Variants in DNAH11 observed in about 807,000 individuals in gnomAD.
The protein encoded by DNAH11 is dynein axonemal heavy chain 11.
DNAH11 carries 442 observed loss-of-function variants against 526.0 expected under a neutral mutation model. The ratio of observed to expected loss-of-function variants is 0.84; its 90% CI spans 0.78 to 0.91. DNAH11 has a LOEUF of 0.91. DNAH11 is among the 40% of genes least tolerant of loss of function. DNAH11 has a pLI of 0.00. For missense variants in DNAH11, 6,989 were observed against 5,448.7 expected (o/e 1.28, Z -8.90); for synonymous variants, 2,461 against 1,935.9 (o/e 1.27, Z -7.12).
Position 21,658,944 on chromosome 7 carries a change from A to G in DNAH11, c.5241A>G (p.Gln1747=), listed in dbSNP as rs372802443. Residue 1747 remains glutamine, a synonymous_variant, in exon 30 of 82, where the codon CAA becomes CAG. Coordinates refer to ENST00000409508, the MANE Select transcript of DNAH11 (RefSeq NM_001277115.2). ...FPAQVALTSS[Q]IWWTTDVGIA... ...CTCAGGTTGCACTAACCAGCTCACA[A>G]ATATGGTGGACCACAGATGTAGGAA... 4.8e-5 allele frequency: 77 copies of G among 1,610,990 alleles called. No individual in the cohort carries two copies. Among genetic ancestry groups the G allele is most frequent in the Non-Finnish European group, 6.0e-5 (71 of 1,178,756 alleles).
Position 21,548,819 on chromosome 7 carries a change from C to T in DNAH11, c.495+3670C>T, listed in dbSNP as rs182189556. Reference sequence around the variant, plus strand: ...AGGCAAGAGGAGTAGTTCATATTCCCTATGGAGAATGAGGGAATTGCTCTG... The same window carrying T: ...AGGCAAGAGGAGTAGTTCATATTCCTTATGGAGAATGAGGGAATTGCTCTG... On this transcript the variant is annotated intron_variant, in intron 2 of 81. Coordinates refer to ENST00000409508, the MANE Select transcript of DNAH11 (RefSeq NM_001277115.2). 2.9e-3 allele frequency among the ~76,000 whole-genome samples: 443 copies of T among 152,198 alleles called. 4 individuals carry two copies. Among genetic ancestry groups the T allele is most frequent in the African/African-American group, 0.01 (424 of 41,526 alleles).
At chr7:21,846,607 T>A (rs1782430943) in intron 66 of DNAH11, among the ~76,000 whole-genome samples, 3 of 152,284 alleles carry the variant, frequency 2.0e-5, no homozygotes, top group South Asian at 4.1e-4. Flanking sequence ...GGATTTGATT[T>A]GCTAATTTTT....
chr7:21,709,515 C>G (rs1397115888), intron 40 of DNAH11, among the ~76,000 whole-genome samples: 3 of 152,142 alleles, frequency 2.0e-5, no homozygotes, highest in Non-Finnish European at 4.4e-5. Flanking sequence ...GTATCCCAAA[C>G]CTCAATGTCA....
At chr7:21,688,743 G>A (rs1295624256) in intron 34 of DNAH11, among the ~76,000 whole-genome samples, 2 of 152,146 alleles carry the variant, frequency 1.3e-5, no homozygotes, top group Non-Finnish European at 2.9e-5. Flanking sequence ...TTCAAATTAT[G>A]TTCGAAATCT....
At chr7:21,606,825 G>T (rs1204845366) in intron 20 of DNAH11, 92 bp downstream of exon 20, 1 of 1,123,714 alleles carries the variant, frequency 8.9e-7, no homozygotes, top group Non-Finnish European at 1.3e-6. Flanking sequence ...TTTTGTCTTT[G>T]TTTTGCTGTT....
At position 21,543,176 on chromosome 7, in the gene DNAH11, C is replaced by T; in HGVS notation, c.-70C>T. On this transcript the variant is annotated 5_prime_UTR_variant, in exon 1 of 82. Transcript: ENST00000409508. ...GTGGGCGCCTGCGGAGGTGTCCTCGCTCACTTCGGGGGGCCCAGAGTCTCG... is the reference window on the plus strand; with the variant it reads ...GTGGGCGCCTGCGGAGGTGTCCTCGTTCACTTCGGGGGGCCCAGAGTCTCG... The T allele has an allele frequency of 6.9e-7, 1 of 1,447,062 alleles. No individual in the cohort carries two copies. The highest frequency in any genetic ancestry group is 2.5e-5 in the East Asian group (1 of 39,990). 89.6% of individuals were successfully genotyped at this position (1,447,062 alleles called of 1,614,324 possible).
intron 66 of DNAH11, among the ~76,000 whole-genome samples, chr7:21,849,998 C>G (rs1277005628): frequency 6.8e-6 from 1 of 146,714 alleles, no homozygotes; most frequent in Non-Finnish European, 1.5e-5. Flanking sequence ...TTTCAAGTAT[C>G]TAATGACATA....
intron 68 of DNAH11, among the ~76,000 whole-genome samples, chr7:21,857,770 T>C (rs1174274288): frequency 6.6e-6 from 1 of 152,060 alleles, no homozygotes; most frequent in East Asian, 1.9e-4. Context: ...CAATTGGATA[T>C]CCACATGACA....
At chr7:21,686,348 C>A (rs1439223642) in intron 32 of DNAH11, among the ~76,000 whole-genome samples, 2 of 152,170 alleles carry the variant, frequency 1.3e-5, no homozygotes, top group Non-Finnish European at 2.9e-5. Flanking sequence ...ATTCACTAGA[C>A]CTGCTGTCTG....
At chr7:21,609,645 C>A (rs898007532) in intron 20 of DNAH11, among the ~76,000 whole-genome samples, 7 of 152,166 alleles carry the variant, frequency 4.6e-5, no homozygotes, top group Non-Finnish European at 8.8e-5. Context: ...TTGAAAAGCC[C>A]TCTTTCATAA....
chr7:21,590,307 T>C (rs1191361692), intron 12 of DNAH11, among the ~76,000 whole-genome samples: 1 of 152,204 alleles, frequency 6.6e-6, no homozygotes, highest in Non-Finnish European at 1.5e-5. Flanking sequence ...AGACATAAAA[T>C]AAGCTTTCTT....
chr7:21,606,870 C>A, intron 20 of DNAH11, 137 bp downstream of exon 20: 1 of 741,834 alleles, frequency 1.3e-6, no homozygotes, highest in Non-Finnish European at 2.2e-6. Context: ...CAGTTATAAG[C>A]AATTTCCCCT....
At chr7:21,873,876 C>T (rs1267886149) in intron 74 of DNAH11, among the ~76,000 whole-genome samples, 2 of 137,128 alleles carry the variant, frequency 1.5e-5, no homozygotes, top group Non-Finnish European at 3.1e-5. Flanking sequence ...CTGCAACTTC[C>T]ACCTCCCGGG....
intron 45 of DNAH11, among the ~76,000 whole-genome samples, chr7:21,729,549 G>A (rs1019989866): frequency 6.6e-6 from 1 of 152,214 alleles, no homozygotes; most frequent in African/African-American, 2.4e-5. Context: ...GAGAAACTAG[G>A]CCACATCTTC....
intron 35 of DNAH11, 33 bp downstream of exon 35, chr7:21,690,914 T>C (rs781617409): frequency 2.7e-6 from 4 of 1,477,808 alleles, no homozygotes; most frequent in Non-Finnish European, 3.8e-6. Flanking sequence ...TAGCATCTGG[T>C]GCACTCATGC....
At chr7:21,591,854 C>A (rs1314276701) in intron 14 of DNAH11, among the ~76,000 whole-genome samples, 1 of 152,138 alleles carries the variant, frequency 6.6e-6, no homozygotes. Flanking sequence ...ACAGTTGCAT[C>A]CTCTTTTGGA....
chr7:21,600,003 G>A lies in DNAH11; in HGVS notation c.2884G>A (p.Asp962Asn), dbSNP rs1284749351. Residue 962 changes from aspartate (D) to asparagine (N), a missense_variant, in exon 15 of 82, where the codon GAC becomes AAC. Coordinates refer to ENST00000409508, the MANE Select transcript of DNAH11 (RefSeq NM_001277115.2). ...PPEIVFKPSLDREAGDGFYDL... is the reference protein window; with the variant it reads ...PPEIVFKPSLNREAGDGFYDL... ...TGAGATTGTGTTTAAACCTTCCCTA[G>A]ACAGAGAGGCTGGGGATGGCTTCTA... The A allele has an allele frequency of 6.2e-7, 1 of 1,613,648 alleles. No homozygotes were observed. The highest frequency in any genetic ancestry group is 1.1e-5 in the South Asian group (1 of 91,038).
At chr7:21,592,135 C>T (rs62441720) in intron 14 of DNAH11, among the ~76,000 whole-genome samples, 22,936 of 152,152 alleles carry the variant, frequency 0.15, 1,757 homozygotes, top group East Asian at 0.2. Flanking sequence ...CCCCTGCCAA[C>T]CACCACCAAA....
Position 21,717,820 on chromosome 7 carries a change from G to C in DNAH11, c.7029G>C (p.Lys2343Asn), listed in dbSNP as rs563161320. ...WIDRRRHQSE[K>N]ANLTILFDKY... ...ACAGAAGGCGGCATCAATCAGAAAAGGCCAATTTGACTATTCTTTTTGATA... is the reference window on the plus strand; with the variant it reads ...ACAGAAGGCGGCATCAATCAGAAAACGCCAATTTGACTATTCTTTTTGATA... Residue 2343 changes from lysine (K) to asparagine (N), a missense_variant, in exon 43 of 82, where the codon AAG (lysine) becomes AAC (asparagine). Transcript: ENST00000409508. The C allele has an allele frequency of 1.5e-5, 25 of 1,613,826 alleles. No homozygotes were observed. The highest frequency in any genetic ancestry group is 2.1e-5 in the Non-Finnish European group (25 of 1,179,812).
Sources: allele counts gnomAD v4.1 joint callset (sites outside exome capture counted in the v4.1 genomes callset), GRCh38; gene constraint gnomAD v4.1.1; transcripts MANE v1.5; gene names NCBI Gene and HGNC (gene_info 2026-07-23, HGNC 2026-07-21).